Variants in PPP2R2B observed in about 807,000 individuals in gnomAD.
The protein encoded by PPP2R2B is serine/threonine-protein phosphatase 2A 55 kDa regulatory subunit B beta isoform.
Under a neutral mutation model 46.0 loss-of-function variants are expected in PPP2R2B, and 5 were observed. The ratio of observed to expected loss-of-function variants is 0.11; its 90% CI spans 0.06 to 0.23. The LOEUF is 0.23. PPP2R2B is among the 10% of genes least tolerant of loss of function. PPP2R2B has a pLI of 1.00. For synonymous variants in PPP2R2B, 215 were observed against 206.7 expected, an observed-to-expected ratio of 1.04 and a Z score of -0.34; for missense variants, 367 against 575.0, an observed-to-expected ratio of 0.64 and a Z score of 3.70.
intron 2 of PPP2R2B, among the ~76,000 whole-genome samples, chr5:147,078,721 T>C (rs1034776277): frequency 3.3e-5 from 5 of 149,440 alleles, no homozygotes; most frequent in African/African-American, 1.2e-4. Flanking sequence ...GGCAGGAGAA[T>C]GGCGTGAACC....
At chr5:146,935,059 T>C (rs1343385873) in intron 1 of PPP2R2B, among the ~76,000 whole-genome samples, 2 of 152,164 alleles carry the variant, frequency 1.3e-5, no homozygotes, top group Non-Finnish European at 2.9e-5. Context: ...GCATTGAAGA[T>C]TCAACAGTAA....
At position 146,768,660 on chromosome 5, in the gene PPP2R2B, A is replaced by G. The variant is rs78036046; in HGVS notation, c.71-67518T>C. 7.5e-3 allele frequency among the ~76,000 whole-genome samples: 1,141 copies of G among 152,286 alleles called. 33 individuals are homozygous for G. The highest frequency in any genetic ancestry group is 0.073 in the East Asian group (376 of 5,178). On this transcript the variant is annotated intron_variant, in intron 2 of 9. Coordinates refer to ENST00000394411, the MANE Select transcript of PPP2R2B (RefSeq NM_181675.4). ...TTCTTCCCATGATCTATAAGGTCCC[A>G]TACCATCTGACGCTGGGCCCACACC...
At chr5:146,855,027 G>A (rs762401715) in intron 2 of PPP2R2B, among the ~76,000 whole-genome samples, 1 of 152,088 alleles carries the variant, frequency 6.6e-6, no homozygotes, top group Non-Finnish European at 1.5e-5. Context: ...GGGCATAAAA[G>A]TTGGAAGCTC....
At chr5:146,891,857 G>C (rs1762501049) in intron 1 of PPP2R2B, among the ~76,000 whole-genome samples, 1 of 152,154 alleles carries the variant, frequency 6.6e-6, no homozygotes, top group Non-Finnish European at 1.5e-5. Context: ...ATCAAAAAAA[G>C]GGGGCATCTT....
At chr5:146,700,556 C>T (rs918744594) in intron 3 of PPP2R2B, among the ~76,000 whole-genome samples, 9 of 152,160 alleles carry the variant, frequency 5.9e-5, no homozygotes, top group African/African-American at 2.2e-4. Flanking sequence ...ATAAGCTTTA[C>T]TCAGACGCTA....
intron 1 of PPP2R2B, among the ~76,000 whole-genome samples, chr5:147,011,237 T>G (rs1385683414): frequency 1.3e-5 from 2 of 152,122 alleles, no homozygotes; most frequent in Non-Finnish European, 2.9e-5. Flanking sequence ...CTACTCCATG[T>G]CTTTGCTTAT....
intron 3 of PPP2R2B, among the ~76,000 whole-genome samples, 173 bp from the exon 4 acceptor site, chr5:146,698,317 AATATATATATATATATAT>A (rs35533710): frequency 2.3e-5 from 2 of 85,650 alleles, no homozygotes; most frequent in East Asian, 7.9e-4. Flanking sequence ...AAAAAAAAAA[AATATATATATATATATAT>A]ATATATATAT....
At chr5:147,061,529 A>G (rs1342933317) in intron 2 of PPP2R2B, among the ~76,000 whole-genome samples, 4 of 152,168 alleles carry the variant, frequency 2.6e-5, no homozygotes, top group African/African-American at 9.7e-5. Context: ...CTCTACAGGG[A>G]CACAGGGTAT....
At chr5:146,630,805 G>A (rs1450880228) in intron 7 of PPP2R2B, among the ~76,000 whole-genome samples, 3 of 152,156 alleles carry the variant, frequency 2.0e-5, no homozygotes, top group Admixed American at 6.5e-5. Flanking sequence ...ATAACACGAT[G>A]CTTATACTAT....
At chr5:146,653,924 A>G (rs534888667) in intron 5 of PPP2R2B, among the ~76,000 whole-genome samples, 164 of 152,276 alleles carry the variant, frequency 1.1e-3, no homozygotes, top group Non-Finnish European at 2.0e-3. Context: ...TCTGCTGCCC[A>G]GTGACTCCCC....
intron 1 of PPP2R2B, among the ~76,000 whole-genome samples, chr5:146,932,030 C>T (rs987846545): frequency 6.6e-6 from 1 of 152,162 alleles, no homozygotes; most frequent in Non-Finnish European, 1.5e-5. Context: ...CTTCCTGAAA[C>T]ACCAGGAGAA....
intron 2 of PPP2R2B, among the ~76,000 whole-genome samples, chr5:146,708,544 G>A (rs1780032935): frequency 6.6e-6 from 1 of 151,938 alleles, no homozygotes; most frequent in Non-Finnish European, 1.5e-5. Flanking sequence ...ATTGACCCCA[G>A]AAAGTTCCTT....
intron 1 of PPP2R2B, among the ~76,000 whole-genome samples, chr5:146,889,808 G>A (rs748014129): frequency 4.6e-5 from 7 of 152,244 alleles, no homozygotes; most frequent in Admixed American, 2.0e-4. Context: ...GGCAGTTTTC[G>A]GGATTCCACC....
chr5:146,920,719 TTCCAGCACACTGC>T lies in PPP2R2B; in HGVS notation c.79+134933_79+134945del, dbSNP rs558714851. On this transcript the variant is annotated intron_variant, in intron 1 of 8. Coordinates refer to the PPP2R2B transcript ENST00000336640. ...GCAGAATGAAGCTCCTGCCAACCTG[TTCCAGCACACTGC>T]TCCAGCACACTGTTGTGTCCTTTTA... Among the ~76,000 whole-genome samples the T allele has an allele frequency of 9.2e-5, 14 of 152,296 alleles. No individual in the cohort carries two copies. In the South Asian group the frequency reaches 2.9e-3, roughly 32 times the overall value.
chr5:146,934,400 T>A (rs1161350047), intron 1 of PPP2R2B, among the ~76,000 whole-genome samples: 1 of 151,346 alleles, frequency 6.6e-6, no homozygotes, highest in Non-Finnish European at 1.5e-5. Context: ...GATATCTCAT[T>A]GTGGTTTTGA....
intron 2 of PPP2R2B, among the ~76,000 whole-genome samples, chr5:146,867,114 A>G (rs1391854171): frequency 6.6e-6 from 1 of 152,214 alleles, no homozygotes; most frequent in Non-Finnish European, 1.5e-5. Flanking sequence ...TTCATATGAA[A>G]AGTCAGTTGA....
intron 9 of PPP2R2B, 122 bp from the exon 10 acceptor site, chr5:146,590,348 A>T (rs1770493722): frequency 1.0e-6 from 1 of 972,950 alleles, no homozygotes; most frequent in East Asian, 2.7e-5. Context: ...AAACCAAAAA[A>T]TGAGAACAGG....
In PPP2R2B at chr5:146,589,704, G is replaced by A; in HGVS notation, c.*243C>T. 2.1e-6 allele frequency: 1 copy of A among 485,084 alleles called. No homozygotes were observed. The highest frequency in any genetic ancestry group is 3.0e-5 in the South Asian group (1 of 32,792). 30.0% of individuals were successfully genotyped at this position (485,084 alleles called of 1,614,324 possible). The stretch of plus-strand genomic sequence containing the variant: ...AGCATCAGAAGTTCAAGTCAACTAT[G>A]GAAGAATTACTGTTAGCTGGCAGCT... On this transcript the variant is annotated 3_prime_UTR_variant, in exon 10 of 10. Coordinates refer to ENST00000394411, the MANE Select transcript of PPP2R2B (RefSeq NM_181675.4).
At chr5:146,663,920 G>A (rs1252748923) in intron 5 of PPP2R2B, among the ~76,000 whole-genome samples, 2 of 152,108 alleles carry the variant, frequency 1.3e-5, no homozygotes, top group Non-Finnish European at 2.9e-5. Flanking sequence ...TTGACTCACT[G>A]CAACCTCTGC....
Sources: allele counts gnomAD v4.1 joint callset (sites outside exome capture counted in the v4.1 genomes callset), GRCh38; gene constraint gnomAD v4.1.1; transcripts MANE v1.5; gene names NCBI Gene and HGNC (gene_info 2026-07-23, HGNC 2026-07-21).